GSE1: variants seen among roughly 807,000 people sequenced by gnomAD.
GSE1 encodes the protein Gse1 coiled-coil protein.
Under a neutral mutation model 112.6 loss-of-function variants are expected in GSE1, and 32 were observed. The ratio of observed to expected loss-of-function variants is 0.28; its 90% CI spans 0.21 to 0.38. The LOEUF is 0.38. Among genes scored for constraint, GSE1 ranks in the 10% least tolerant of loss-of-function variants. The probability of loss-of-function intolerance (pLI) is 1.00; values close to 1 mark genes in which losing one functional copy is unlikely to be tolerated. For synonymous variants in GSE1, 1,115 were observed against 735.6 expected (o/e 1.52, Z -8.35); for missense variants, 2,348 against 1,699.2 (o/e 1.38, Z -6.71).
At chr16:85,442,391 C>T (rs1489878994) in intron 2 of GSE1, among the ~76,000 whole-genome samples, 1 of 152,026 alleles carries the variant, frequency 6.6e-6, no homozygotes, top group Non-Finnish European at 1.5e-5. Flanking sequence ...GCATCCTGGC[C>T]CAGCGCTGGG....
intron 2 of GSE1, among the ~76,000 whole-genome samples, chr16:85,497,511 G>C (rs2051220711): frequency 6.6e-6 from 1 of 152,180 alleles, no homozygotes; most frequent in South Asian, 2.1e-4. Context: ...GGTTCCCTGA[G>C]AGGCACCCCG....
At chr16:85,497,268 C>G (rs944002591) in intron 2 of GSE1, among the ~76,000 whole-genome samples, 1 of 152,212 alleles carries the variant, frequency 6.6e-6, no homozygotes. Flanking sequence ...GGGCGCACCT[C>G]TGGTGTTAGA....
intron 1 of GSE1, among the ~76,000 whole-genome samples, chr16:85,356,597 G>T (rs2046955847): frequency 6.6e-6 from 1 of 152,220 alleles, no homozygotes; most frequent in Admixed American, 6.5e-5. Context: ...CGCCCCACCT[G>T]TTCTCCTGCA....
intron 2 of GSE1, among the ~76,000 whole-genome samples, chr16:85,646,340 C>T (rs1358781074): frequency 6.6e-6 from 1 of 152,264 alleles, no homozygotes; most frequent in Non-Finnish European, 1.5e-5. Flanking sequence ...TTGTACCACA[C>T]CTCCTCAGAT....
rs1020246733 is a variant in GSE1 at position 85,317,516 on chromosome 16, C to T, written c.2284-39947C>T. Reference sequence around the variant, plus strand: ...GCCTAGGCCTGATCTGCACAGCCCCCGTGGTCCGTGGCAGGACTGAGCCCT... The same window carrying T: ...GCCTAGGCCTGATCTGCACAGCCCCTGTGGTCCGTGGCAGGACTGAGCCCT... On this transcript the variant is annotated intron_variant, in intron 1 of 2. Coordinates refer to the GSE1 transcript ENST00000637419. Among the ~76,000 whole-genome samples the T allele has an allele frequency of 4.6e-5, 7 of 152,282 alleles. No individual in the cohort carries two copies. The South Asian group carries it at 6.2e-4, about 14-fold the overall frequency.
chr16:85,380,701 G>A (rs898628369), intron 2 of GSE1, among the ~76,000 whole-genome samples: 3 of 152,124 alleles, frequency 2.0e-5, no homozygotes, highest in Admixed American at 6.5e-5. Context: ...CGTGGCCCCG[G>A]ACCTAATTAG....
chr16:85,427,293 G>A (rs942674858), intron 2 of GSE1, among the ~76,000 whole-genome samples: 2 of 152,204 alleles, frequency 1.3e-5, no homozygotes, highest in African/African-American at 4.8e-5. Flanking sequence ...GCTGGCTTAG[G>A]TTTTATTTCC....
intron 1 of GSE1, among the ~76,000 whole-genome samples, chr16:85,228,957 C>T (rs990490533): frequency 2.6e-5 from 4 of 152,234 alleles, no homozygotes; most frequent in African/African-American, 9.6e-5. Flanking sequence ...CTGAGCTGGG[C>T]AGGACCTGGG....
At chr16:85,624,477 A>G (rs1440827684) in intron 1 of GSE1, among the ~76,000 whole-genome samples, 3 of 152,058 alleles carry the variant, frequency 2.0e-5, no homozygotes, top group African/African-American at 7.2e-5. Flanking sequence ...TCCCGTCCGT[A>G]AAACGGGTAT....
chr16:85,465,307 C>T (rs1175538365), intron 2 of GSE1, among the ~76,000 whole-genome samples: 1 of 152,204 alleles, frequency 6.6e-6, no homozygotes, highest in Non-Finnish European at 1.5e-5. Context: ...ACGCCCTGGC[C>T]CTTCGCATCT....
intron 1 of GSE1, among the ~76,000 whole-genome samples, chr16:85,175,495 G>A (rs985839942): frequency 1.8e-4 from 27 of 152,240 alleles, no homozygotes; most frequent in African/African-American, 6.5e-4. Flanking sequence ...CTGGGCCTTG[G>A]AACCGAGTGA....
chr16:85,187,165 G>C (rs1223926732), intron 1 of GSE1, among the ~76,000 whole-genome samples: 1 of 152,232 alleles, frequency 6.6e-6, no homozygotes, highest in Non-Finnish European at 1.5e-5. Context: ...GGCAGGCTCT[G>C]TGGTGTCCAG....
intron 9 of GSE1, 104 bp downstream of exon 9, chr16:85,661,869 T>G: frequency 8.3e-7 from 1 of 1,198,272 alleles, no homozygotes; most frequent in Non-Finnish European, 1.1e-6. Flanking sequence ...TCCTGCTTTT[T>G]GCCTGGGGTA....
rs138084790 is a variant in GSE1, at chr16:85,250,505, C to A, written c.2283+78698C>A. Among the ~76,000 whole-genome samples, 255 of 152,372 alleles carry A rather than the reference C, an allele frequency of 1.7e-3. 3 individuals are homozygous for A. The highest frequency in any genetic ancestry group is 5.9e-3 in the African/African-American group (246 of 41,592). On this transcript the variant is annotated intron_variant, in intron 1 of 2. Coordinates refer to the GSE1 transcript ENST00000637419. ...ACCCCCTACCGCTCTGTCTGCAAGC[C>A]CCTTGCCATGGAGACCCCAAGCACC...
intron 1 of GSE1, among the ~76,000 whole-genome samples, chr16:85,332,570 C>T (rs993150795): frequency 2.0e-5 from 3 of 152,110 alleles, no homozygotes; most frequent in Non-Finnish European, 2.9e-5. Context: ...GTGCCTCCCC[C>T]GACCCTCAGC....
At chr16:85,500,998 G>GTTTTTTTTTTGTTTTTTT (rs2051342155) in intron 2 of GSE1, among the ~76,000 whole-genome samples, 2 of 64,836 alleles carry the variant, frequency 3.1e-5, no homozygotes, top group African/African-American at 1.3e-4. Flanking sequence ...GGCCTGTTCT[G>GTTTTTTTTTTGTTTTTTT]TTTTTTTTTT....
chr16:85,487,713 A>G (rs1173064370), intron 2 of GSE1, among the ~76,000 whole-genome samples: 2 of 140,696 alleles, frequency 1.4e-5, no homozygotes, highest in African/African-American at 5.1e-5. Flanking sequence ...GCTTGGGGCC[A>G]GGGCTGTGCC....
chr16:85,299,042 A>T (rs2045445720), intron 1 of GSE1, among the ~76,000 whole-genome samples: 1 of 152,186 alleles, frequency 6.6e-6, no homozygotes, highest in African/African-American at 2.4e-5. Flanking sequence ...ATGCTTCCTG[A>T]CATTCGTGAC....
chr16:85,486,915 G>T (rs995730759), intron 2 of GSE1, among the ~76,000 whole-genome samples: 2 of 152,202 alleles, frequency 1.3e-5, no homozygotes, highest in African/African-American at 4.8e-5. Context: ...GGATTCAGGC[G>T]AAAGTATAGT....
Sources: gnomAD v4.1 joint callset for allele counts (sites outside exome capture counted in the v4.1 genomes callset) on GRCh38, gnomAD v4.1.1 for gene constraint, MANE v1.5 for transcripts, NCBI Gene and HGNC (gene_info 2026-07-23, HGNC 2026-07-21) for gene names.